DNAH8: variants seen among roughly 807,000 people sequenced by gnomAD.
The protein encoded by DNAH8 is dynein axonemal heavy chain 8, also known as axonemal beta dynein heavy chain 8.
In DNAH8, 382 loss-of-function variants were observed where a neutral mutation model predicts 562.1. That is an observed-to-expected ratio of 0.68 (90% CI 0.63 to 0.74). DNAH8 has a LOEUF of 0.74. Ranked by LOEUF, DNAH8 falls within the 30% of genes least tolerant of loss-of-function variation. DNAH8 has a pLI of 0.00. For missense variants in DNAH8, 5,203 were observed against 5,620.4 expected (o/e 0.93, Z 2.37); for synonymous variants, 1,881 against 1,919.4 (o/e 0.98, Z 0.52).
At chr6:39,022,248 T>G (rs1276507997) in intron 91 of DNAH8, among the ~76,000 whole-genome samples, 1 of 152,174 alleles carries the variant, frequency 6.6e-6, no homozygotes, top group East Asian at 1.9e-4. Flanking sequence ...TAAAGTAAGC[T>G]GCAGGCTTTG....
At chr6:38,782,770 C>G (rs1768765265) in intron 16 of DNAH8, among the ~76,000 whole-genome samples, 1 of 151,520 alleles carries the variant, frequency 6.6e-6, no homozygotes. Context: ...CTGGAGGCCT[C>G]TCTCTTTCTA....
At chr6:38,884,053 A>T in intron 56 of DNAH8, 55 bp downstream of exon 56, 4 of 1,096,400 alleles carry the variant, frequency 3.6e-6, no homozygotes, top group South Asian at 3.3e-5. Flanking sequence ...TTATGTATAT[A>T]TATTATATAT....
Position 38,852,768 on chromosome 6 carries a change from C to T in DNAH8, c.5541C>T (p.Ala1847=), listed in dbSNP as rs1678746. Residue 1847 remains alanine, a synonymous_variant, in exon 40 of 93, where the codon GCC becomes GCT. Transcript: ENST00000327475. The part of the protein sequence containing the change: ...FHAKDYDRIM[A]VISREGEKIV... ...CAAAAGACTATGATCGCATCATGGC[C>T]GTCATATCAAGAGAAGGAGAAAAAA... The T allele has an allele frequency of 0.021, 33,838 of 1,612,566 alleles. 4,578 individuals are homozygous for T. The African/African-American group carries it at 0.34, about 16-fold the overall frequency.
Position 38,737,863 on chromosome 6 carries a change from A to G in DNAH8, c.1007A>G (p.Asn336Ser), listed in dbSNP as rs111566149. ...TVKLKTIDNV[N>S]FSKLHTFEEV... ...AAGTTAAAGACAATAGACAATGTTA[A>G]TTTTTCCAAACTGCACACCTTTGAA... The change falls in exon 7 of 93, where the codon AAT becomes AGT. Residue 336 changes from asparagine (N) to serine (S), a missense_variant. Transcript: ENST00000327475. 2.5e-6 allele frequency: 4 copies of G among 1,587,450 alleles called. No individual in the cohort carries two copies. The highest frequency in any genetic ancestry group is 3.4e-6 in the Non-Finnish European group (4 of 1,170,032).
Position 39,012,290 on chromosome 6 carries a change from CAAAGAG to C in DNAH8, c.13448_13453del (p.Gln4483_Val4485delinsLeu). On this transcript the variant is annotated inframe_deletion, in exon 90 of 93. Coordinates refer to ENST00000327475, the MANE Select transcript of DNAH8 (RefSeq NM_001206927.2). ...TCTTAGACAAGAAATTGACAGAATG[CAAAGAG>C]TCATTTCAATACTCCGCAGTAGCCT... The C allele has an allele frequency of 6.2e-7, 1 of 1,612,590 alleles. No homozygotes were observed. The highest frequency in any genetic ancestry group is 1.7e-4 in the Middle Eastern group (1 of 6,056).
chr6:38,752,919 A>C (rs1054431794), intron 9 of DNAH8, among the ~76,000 whole-genome samples: 9 of 152,126 alleles, frequency 5.9e-5, no homozygotes, highest in South Asian at 2.1e-4. Flanking sequence ...ATTTGCAAAG[A>C]GATGACTTTT....
chr6:38,898,487 TAGAAG>T, intron 61 of DNAH8, 107 bp downstream of exon 61: 1 of 911,144 alleles, frequency 1.1e-6, no homozygotes, highest in Non-Finnish European at 1.5e-6. Context: ...AGGTACCGTA[TAGAAG>T]ACTGTACATA....
intron 87 of DNAH8, among the ~76,000 whole-genome samples, chr6:38,987,092 A>T (rs959900980): frequency 1.3e-5 from 2 of 152,232 alleles, no homozygotes; most frequent in East Asian, 3.8e-4. Context: ...TCCGGAGGTC[A>T]TGGTGGAGCT....
chr6:38,763,477 A>G (rs1470145258), intron 11 of DNAH8: 2 of 291,124 alleles, frequency 6.9e-6, no homozygotes, highest in South Asian at 3.9e-5. Flanking sequence ...ACATTAGTTG[A>G]TAATACACAT....
chr6:38,781,905 T>G, intron 16 of DNAH8, among the ~76,000 whole-genome samples: 1 of 152,172 alleles, frequency 6.6e-6, no homozygotes. Flanking sequence ...AAATTGCCAG[T>G]TTGTCTTTTC....
chr6:38,738,380 A>C (rs1764267137), intron 7 of DNAH8, among the ~76,000 whole-genome samples: 1 of 152,214 alleles, frequency 6.6e-6, no homozygotes, highest in African/African-American at 2.4e-5. Flanking sequence ...CTGTCAAAGA[A>C]GTTCAGACTA....
chr6:38,782,440 CT>C (rs1214266071), intron 16 of DNAH8, among the ~76,000 whole-genome samples: 2 of 152,060 alleles, frequency 1.3e-5, no homozygotes, highest in Non-Finnish European at 2.9e-5. Context: ...ACTACCATGC[CT>C]GGCTAATTTT....
chr6:38,724,270 C>T (rs954950430), intron 3 of DNAH8, among the ~76,000 whole-genome samples: 7 of 152,132 alleles, frequency 4.6e-5, no homozygotes, highest in African/African-American at 7.2e-5. Context: ...CGTGAGCCAC[C>T]GCACCTGGCC....
chr6:39,019,380 G>T (rs1342788925), intron 91 of DNAH8, among the ~76,000 whole-genome samples: 1 of 152,210 alleles, frequency 6.6e-6, no homozygotes, highest in Non-Finnish European at 1.5e-5. Flanking sequence ...GTCTGAAGCA[G>T]GAGGTGAGGT....
At chr6:38,732,090 T>G (rs1763701621) in intron 4 of DNAH8, among the ~76,000 whole-genome samples, 1 of 152,236 alleles carries the variant, frequency 6.6e-6, no homozygotes. Flanking sequence ...ATATAATACA[T>G]TTTATTCTTG....
rs548470800 is a variant in DNAH8, at chr6:38,759,995, G to A, written c.1516-1707G>A. ...CTGAATAAAGTCTCTTGCTTTGCAA[G>A]TATCACTGAATAATTTTTTAACAGT... On this transcript the variant is annotated intron_variant, in intron 10 of 92. Transcript: ENST00000327475. Among the ~76,000 whole-genome samples, 835 of 152,284 alleles carry A rather than the reference G, an allele frequency of 5.5e-3. 9 individuals carry two copies. Among genetic ancestry groups the A allele is most frequent in the African/African-American group, 0.019 (800 of 41,550 alleles).
In DNAH8 at chr6:38,857,573, G is replaced by A. The variant is rs758923038; in HGVS notation, c.5789G>A (p.Arg1930His). The change falls in exon 42 of 93, where the codon CGT becomes CAT. Residue 1930 changes from arginine to histidine, a missense_variant. Physicochemically the swap from Arg to His is conservative, Grantham distance 29 (BLOSUM62 0). Around this residue, in one of 6 missense-constraint regions of DNAH8, gnomAD observed 2,176 missense variants for 2,365.1 expected, o/e 0.92. Transcript: ENST00000327475. Reference protein sequence around the residue: ...LWTHDSEEALRNAKDDRKIMQ... With the variant: ...LWTHDSEEALHNAKDDRKIMQ... ...ACACACGATTCAGAAGAGGCTTTAC[G>A]TAATGCAAAAGATGACAGGAAAATC... 5.6e-5 allele frequency: 90 copies of A among 1,613,810 alleles called. 1 individual carries two copies. Among genetic ancestry groups the A allele is most frequent in the Middle Eastern group, 1.6e-4 (1 of 6,082 alleles).
chr6:38,796,910 C>G (rs970404748), intron 21 of DNAH8, among the ~76,000 whole-genome samples: 1 of 152,266 alleles, frequency 6.6e-6, no homozygotes, highest in African/African-American at 2.4e-5. Flanking sequence ...TGTGTTTAAC[C>G]CATCCTCCAT....
chr6:38,909,186 A>G (rs143998150), intron 64 of DNAH8, among the ~76,000 whole-genome samples: 11 of 152,216 alleles, frequency 7.2e-5, no homozygotes, highest in South Asian at 4.2e-4. Flanking sequence ...AGACCAAACA[A>G]CTGTTCCTGC....
Sources: allele counts gnomAD v4.1 joint callset (sites outside exome capture counted in the v4.1 genomes callset), GRCh38; gene constraint gnomAD v4.1.1; regional missense constraint gnomAD v4.1.1; transcripts MANE v1.5; gene names NCBI Gene and HGNC (gene_info 2026-07-23, HGNC 2026-07-21).